ASTN2: variants seen among roughly 807,000 people sequenced by gnomAD.
ASTN2 encodes astrotactin-2.
ASTN2 carries 54 observed loss-of-function variants against 139.8 expected under a neutral mutation model. That is an observed-to-expected ratio of 0.39 (90% CI 0.31 to 0.48). The LOEUF (loss-of-function observed/expected upper bound fraction) is 0.48. ASTN2 is among the 20% of genes least tolerant of loss of function. The probability of loss-of-function intolerance (pLI) is 0.95; values close to 1 mark genes in which losing one functional copy is unlikely to be tolerated. For synonymous variants in ASTN2, 756 were observed against 719.5 expected, an observed-to-expected ratio of 1.05 and a Z score of -0.81; for missense variants, 1,565 against 1,725.1, an observed-to-expected ratio of 0.91 and a Z score of 1.64.
At chr9:117,077,110 G>C (rs1234131154) in intron 5 of ASTN2, among the ~76,000 whole-genome samples, 3 of 152,162 alleles carry the variant, frequency 2.0e-5, no homozygotes, top group Non-Finnish European at 4.4e-5. Flanking sequence ...ACATGTGGGA[G>C]AGCAGGCAGG....
chr9:116,957,170 C>T (rs1169403312), intron 10 of ASTN2, among the ~76,000 whole-genome samples: 1 of 151,422 alleles, frequency 6.6e-6, no homozygotes, highest in Non-Finnish European at 1.5e-5. Flanking sequence ...AATTTTTCTT[C>T]TATTTTTTCC....
At chr9:116,950,668 C>A (rs892205577) in intron 10 of ASTN2, among the ~76,000 whole-genome samples, 2 of 152,118 alleles carry the variant, frequency 1.3e-5, no homozygotes, top group African/African-American at 4.8e-5. Flanking sequence ...CTGGTAGGAA[C>A]AGGAAACACC....
chr9:116,871,150 CAGGA>C (rs547990804), intron 10 of ASTN2, among the ~76,000 whole-genome samples: 8 of 152,180 alleles, frequency 5.3e-5, no homozygotes, highest in Admixed American at 3.9e-4. Flanking sequence ...CCCAGCTACT[CAGGA>C]AGCTGAGGCA....
chr9:117,301,226 G>T (rs1834867902), intron 1 of ASTN2, among the ~76,000 whole-genome samples: 1 of 152,012 alleles, frequency 6.6e-6, no homozygotes, highest in African/African-American at 2.4e-5. Flanking sequence ...ATATGCCCTT[G>T]GTTTCTATGT....
intron 6 of ASTN2, among the ~76,000 whole-genome samples, chr9:117,030,793 C>T (rs1272782410): frequency 2.0e-5 from 3 of 151,610 alleles, no homozygotes; most frequent in South Asian, 4.2e-4. Flanking sequence ...TAGGGGGTAT[C>T]CACAGCTCCC....
At chr9:116,554,491 T>C (rs1852507042) in intron 19 of ASTN2, among the ~76,000 whole-genome samples, 1 of 152,236 alleles carries the variant, frequency 6.6e-6, no homozygotes, top group Non-Finnish European at 1.5e-5. Flanking sequence ...TCAAATCATT[T>C]AATGCAAAGG....
chr9:117,199,269 T>C (rs902025734), intron 3 of ASTN2, among the ~76,000 whole-genome samples: 2 of 152,188 alleles, frequency 1.3e-5, no homozygotes, highest in Non-Finnish European at 2.9e-5. Flanking sequence ...TTTTGGGTTT[T>C]ACATTTAAGT....
intron 1 of ASTN2, among the ~76,000 whole-genome samples, chr9:117,376,219 C>A (rs1321760410): frequency 6.6e-6 from 1 of 152,118 alleles, no homozygotes; most frequent in African/African-American, 2.4e-5. Context: ...CCCTAATAAG[C>A]TCATTTTGCT....
intron 1 of ASTN2, among the ~76,000 whole-genome samples, chr9:117,373,780 G>C (rs1306630065): frequency 1.3e-5 from 2 of 152,184 alleles, no homozygotes; most frequent in Non-Finnish European, 2.9e-5. Context: ...CAATTAGGAA[G>C]TAATTAAGAT....
At chr9:116,456,242 C>G (rs558468494) in intron 20 of ASTN2, among the ~76,000 whole-genome samples, 1 of 151,262 alleles carries the variant, frequency 6.6e-6, no homozygotes, top group Middle Eastern at 3.4e-3. Context: ...GAAAAAGAAA[C>G]GAAGAAAGGA....
At chr9:116,671,351 C>A (rs1212571572) in intron 16 of ASTN2, among the ~76,000 whole-genome samples, 1 of 152,066 alleles carries the variant, frequency 6.6e-6, no homozygotes, top group Non-Finnish European at 1.5e-5. Context: ...CTATTGAGCA[C>A]TTACCAAGTA....
At chr9:116,759,828 GCTAA>G (rs1564251951) in intron 13 of ASTN2, among the ~76,000 whole-genome samples, 1 of 151,948 alleles carries the variant, frequency 6.6e-6, no homozygotes, top group Non-Finnish European at 1.5e-5. Context: ...AATCTCTCTT[GCTAA>G]CTGCTATTTT....
intron 11 of ASTN2, among the ~76,000 whole-genome samples, chr9:116,858,056 G>A (rs1225985329): frequency 2.6e-5 from 4 of 152,148 alleles, no homozygotes; most frequent in Non-Finnish European, 5.9e-5. Context: ...CCCCAGCTCA[G>A]GTCCAGCATA....
At chr9:116,884,222 T>C (rs1833528849) in intron 10 of ASTN2, among the ~76,000 whole-genome samples, 2 of 152,128 alleles carry the variant, frequency 1.3e-5, no homozygotes, top group Admixed American at 6.5e-5. Context: ...TGGGGACTTA[T>C]GCTGCCTAGC....
At chr9:117,079,612 A>G (rs1828372052) in intron 5 of ASTN2, among the ~76,000 whole-genome samples, 1 of 152,144 alleles carries the variant, frequency 6.6e-6, no homozygotes, top group Non-Finnish European at 1.5e-5. Context: ...TCAACTGGAT[A>G]TTTACTTTTG....
Position 116,672,781 on chromosome 9 carries a change from T to C in ASTN2, c.2807-20988A>G, listed in dbSNP as rs559867402. ...AGAATTGTTTCAAAATATCTTTTCA[T>C]CTCTTCCTTAAAATACCCTTCCAAC... On this transcript the variant is annotated intron_variant, in intron 16 of 22. Coordinates refer to ENST00000313400, the MANE Select transcript of ASTN2 (RefSeq NM_001365068.1). Among the ~76,000 whole-genome samples, 5 of 152,344 alleles carry C rather than the reference T, an allele frequency of 3.3e-5. No homozygotes were observed. In the South Asian group the frequency reaches 6.2e-4, roughly 19 times the overall value.
intron 17 of ASTN2, among the ~76,000 whole-genome samples, chr9:116,629,015 C>A (rs1462068244): frequency 6.6e-6 from 1 of 151,542 alleles, no homozygotes; most frequent in East Asian, 1.9e-4. Context: ...TTAAGCATTT[C>A]TTTATTCTGT....
chr9:116,597,425 A>G (rs1854647031), intron 19 of ASTN2, among the ~76,000 whole-genome samples: 1 of 146,866 alleles, frequency 6.8e-6, no homozygotes, highest in East Asian at 2.1e-4. Context: ...CCCCTGCTTC[A>G]GCCTCCCAAG....
At position 116,822,857 on chromosome 9, in the gene ASTN2, G is replaced by A. The variant is rs139485964; in HGVS notation, c.2041-2074C>T. ...TGGTAAAGGTTATGCAGATGTGATT[G>A]TGTCAAAACTCTTGAGGACACCCTC... On this transcript the variant is annotated intron_variant, in intron 11 of 22. Transcript: ENST00000313400. 5.9e-5 allele frequency among the ~76,000 whole-genome samples: 9 copies of A among 152,324 alleles called. No homozygotes were observed. In the East Asian group the frequency reaches 1.5e-3, roughly 26 times the overall value.
Sources: gnomAD v4.1 joint callset for allele counts (sites outside exome capture counted in the v4.1 genomes callset) on GRCh38, gnomAD v4.1.1 for gene constraint, MANE v1.5 for transcripts, NCBI Gene and HGNC (gene_info 2026-07-23, HGNC 2026-07-21) for gene names.